Variants in HDX observed in about 807,000 individuals in gnomAD.
The protein encoded by HDX is highly divergent homeobox.
Under a neutral mutation model 45.2 loss-of-function variants are expected in HDX, and 19 were observed. The observed-to-expected ratio is 0.42, with a 90% CI of 0.29 to 0.62. The LOEUF is 0.62. Among genes scored for constraint, HDX ranks in the 20% least tolerant of loss-of-function variants. HDX has a pLI of 0.20. For missense variants in HDX, 532 were observed against 493.9 expected, an observed-to-expected ratio of 1.08 and a Z score of -0.73; for synonymous variants, 188 against 172.8, an observed-to-expected ratio of 1.09 and a Z score of -0.69.
rs1303878019 is a variant in HDX at position 84,471,265 on chromosome X, A to ATAGG, written c.148-1691_148-1690insCCTA. Among the ~76,000 whole-genome samples, 16 of 108,317 alleles carry ATAGG rather than the reference A, an allele frequency of 1.5e-4. No individual in the cohort carries two copies. The Admixed American group carries it at 1.6e-3, about 11-fold the overall frequency. 94.1% of individuals were successfully genotyped at this position (108,317 alleles called of 115,157 possible). ...TCTCAATAGATAGATAGATAGATAG[A>ATAGG]TAGATAGATAGATAGATAGATTTTC... On this transcript the variant is annotated intron_variant, in intron 3 of 10. Coordinates refer to ENST00000373177, the MANE Select transcript of HDX (RefSeq NM_001177479.2).
intron 4 of HDX, among the ~76,000 whole-genome samples, chrX:84,448,323 C>A (rs1036931439): frequency 1.7e-4 from 19 of 111,119 alleles, no homozygotes; most frequent in African/African-American, 6.2e-4. Context: ...ATGGCCAGCA[C>A]CTGAGGAAGC....
intron 6 of HDX, among the ~76,000 whole-genome samples, chrX:84,356,772 G>A (rs1009180241): frequency 3.7e-5 from 4 of 109,230 alleles, no homozygotes; most frequent in Non-Finnish European, 7.6e-5. Flanking sequence ...ATAGGCGCCC[G>A]CCACCACGCC....
chrX:84,494,832 T>A (rs1228448273), intron 1 of HDX, among the ~76,000 whole-genome samples: 1 of 111,333 alleles, frequency 9.0e-6, no homozygotes, highest in Non-Finnish European at 1.9e-5. Flanking sequence ...CAATCCCACT[T>A]CTCAATATAT....
At chrX:84,399,730 G>C (rs192948922) in intron 5 of HDX, among the ~76,000 whole-genome samples, 25 of 111,433 alleles carry the variant, frequency 2.2e-4, no homozygotes, top group Admixed American at 2.2e-3. Context: ...CAGCATCATA[G>C]TGATAGTAAA....
chrX:84,347,535 C>T (rs1031926561), intron 6 of HDX, among the ~76,000 whole-genome samples: 37 of 111,811 alleles, frequency 3.3e-4, no homozygotes, highest in African/African-American at 1.2e-3. Flanking sequence ...AATATTATTT[C>T]TCTAATGCTC....
At chrX:84,383,288 G>A (rs2038232608) in intron 5 of HDX, among the ~76,000 whole-genome samples, 1 of 110,735 alleles carries the variant, frequency 9.0e-6, no homozygotes, top group Non-Finnish European at 1.9e-5. Flanking sequence ...AGGTAATTTT[G>A]TAATACTTCA....
At chrX:84,485,513 C>T (rs1169002201) in intron 2 of HDX, among the ~76,000 whole-genome samples, 1 of 111,666 alleles carries the variant, frequency 9.0e-6, no homozygotes, top group African/African-American at 3.3e-5. Flanking sequence ...AAGCAATTCT[C>T]ATGCCTCCTG....
intron 8 of HDX, among the ~76,000 whole-genome samples, chrX:84,334,803 A>G (rs946026022): frequency 9.0e-6 from 1 of 111,053 alleles, no homozygotes; most frequent in Non-Finnish European, 1.9e-5. Flanking sequence ...AAGAGGAAAA[A>G]CTAAGCTATA....
chrX:84,356,886 G>A (rs2037500527), intron 6 of HDX, among the ~76,000 whole-genome samples: 2 of 110,963 alleles, frequency 1.8e-5, no homozygotes, highest in Admixed American at 9.6e-5. Flanking sequence ...CTCCCAAAGT[G>A]CTGGGATTAC....
intron 5 of HDX, among the ~76,000 whole-genome samples, chrX:84,437,995 C>T (rs1360148017): frequency 9.0e-6 from 1 of 111,036 alleles, no homozygotes; most frequent in Non-Finnish European, 1.9e-5. Context: ...TCTTCTTTGT[C>T]AGAGTTGCCA....
chrX:84,469,083 AAG>A lies in HDX; in HGVS notation c.638_639del (p.Pro213LeufsTer8). On this transcript the variant is annotated frameshift_variant, in exon 4 of 11. Transcript: ENST00000373177. LOFTEE classifies it high-confidence loss of function. ...ATTTTACAAGGTCGGTGGCACACAG[AAG>A]GCTTTTGAGGTACTGTCATTTCAGA... ...QASEMTVPQK[P>X]SVCHRPCKIE... 8.3e-7 allele frequency: 1 copy of A among 1,211,805 alleles called. No homozygotes were observed. The highest frequency in any genetic ancestry group is 3.0e-5 in the East Asian group (1 of 33,840).
At chrX:84,363,560 G>A (rs1359293951) in intron 5 of HDX, among the ~76,000 whole-genome samples, 1 of 111,729 alleles carries the variant, frequency 9.0e-6, no homozygotes, top group Non-Finnish European at 1.9e-5. Flanking sequence ...AAGTGTGCTG[G>A]GGTCTTAGCA....
chrX:84,444,993 T>G (rs1485228659), intron 4 of HDX, among the ~76,000 whole-genome samples: 1 of 112,020 alleles, frequency 8.9e-6, no homozygotes, highest in Non-Finnish European at 1.9e-5. Context: ...ATGTTTCTGC[T>G]AGATTATTAG....
intron 6 of HDX, among the ~76,000 whole-genome samples, chrX:84,354,319 A>C (rs2037424642): frequency 9.0e-6 from 1 of 111,729 alleles, no homozygotes. Context: ...TCTATTAAAC[A>C]ATATGAAGCT....
At chrX:84,484,238 G>C (rs1292912020) in intron 2 of HDX, among the ~76,000 whole-genome samples, 3 of 111,806 alleles carry the variant, frequency 2.7e-5, no homozygotes, top group African/African-American at 9.8e-5. Flanking sequence ...CCAATTTACT[G>C]TATTAGTCTG....
intron 3 of HDX, among the ~76,000 whole-genome samples, chrX:84,474,609 G>T (rs1317377417): frequency 9.0e-6 from 1 of 111,729 alleles, no homozygotes; most frequent in Non-Finnish European, 1.9e-5. Context: ...GACATAAAAG[G>T]TCCTATGCAT....
intron 5 of HDX, among the ~76,000 whole-genome samples, chrX:84,419,983 T>A (rs1429078160): frequency 8.9e-6 from 1 of 111,820 alleles, no homozygotes; most frequent in Non-Finnish European, 1.9e-5. Context: ...CTAAAGAAGA[T>A]GCAGCTTAGA....
At chrX:84,336,734 T>C (rs1371858531) in intron 8 of HDX, 67 bp downstream of exon 8, 1 of 722,251 alleles carries the variant, frequency 1.4e-6, no homozygotes, top group Non-Finnish European at 2.1e-6. Context: ...GAGAATATTT[T>C]CACCAACTGG....
At chrX:84,342,862 A>G (rs1302679137) in intron 7 of HDX, among the ~76,000 whole-genome samples, 1 of 111,405 alleles carries the variant, frequency 9.0e-6, no homozygotes, top group Admixed American at 9.6e-5. Context: ...AAAAATTACA[A>G]AAGAAAATCT....
Sources: gnomAD v4.1 joint callset for allele counts (sites outside exome capture counted in the v4.1 genomes callset) on GRCh38, gnomAD v4.1.1 for gene constraint, MANE v1.5 for transcripts, NCBI Gene and HGNC (gene_info 2026-07-23, HGNC 2026-07-21) for gene names.